The following FAM24B variants were observed in gnomAD, a reference collection of about 807,000 sequenced individuals.
FAM24B encodes the protein family with sequence similarity 24 member B.
FAM24B carries 3 observed loss-of-function variants against 2.3 expected under a neutral mutation model. The observed-to-expected ratio is 1.29, with a 90% CI of 0.59 to 3.32. The LOEUF (loss-of-function observed/expected upper bound fraction) is 3.32, where lower values mean the gene tolerates loss of function less well. Ranked by LOEUF, FAM24B falls within the 30% of genes most tolerant of loss-of-function variation. The pLI is 0.03. For missense variants in FAM24B, 98 were observed against 117.2 expected (o/e 0.84, Z 0.76); for synonymous variants, 36 against 46.3 (o/e 0.78, Z 0.90).
chr10:122,866,586 C>A (rs1033927050), intron 1 of FAM24B, among the ~76,000 whole-genome samples: 1 of 152,008 alleles, frequency 6.6e-6, no homozygotes, highest in African/African-American at 2.4e-5. Context: ...TTTGGTAATT[C>A]TTACAATATT....
chr10:122,850,291 C>T (rs1019484834), intron 3 of FAM24B, 133 bp downstream of exon 3: 2 of 715,706 alleles, frequency 2.8e-6, no homozygotes, highest in Admixed American at 4.3e-5. Context: ...TGACTTCACC[C>T]AGGGTATGGC....
intron 3 of FAM24B, 81 bp downstream of exon 3, chr10:122,850,343 G>T: frequency 8.8e-7 from 1 of 1,137,148 alleles, no homozygotes; most frequent in Non-Finnish European, 1.3e-6. Context: ...GGAAGCCCAG[G>T]TATCCCACTG....
intron 1 of FAM24B, among the ~76,000 whole-genome samples, chr10:122,869,269 C>A (rs1235941622): frequency 6.6e-6 from 1 of 152,176 alleles, no homozygotes; most frequent in Non-Finnish European, 1.5e-5. Context: ...TACAGGAGCA[C>A]CCAGATTCAT....
intron 1 of FAM24B, among the ~76,000 whole-genome samples, chr10:122,857,668 T>C (rs1463429814): frequency 6.6e-6 from 1 of 152,218 alleles, no homozygotes; most frequent in Non-Finnish European, 1.5e-5. Context: ...TCTGTTTCCT[T>C]GTATTTCTCT....
intron 1 of FAM24B, among the ~76,000 whole-genome samples, chr10:122,858,833 C>A (rs1847682506): frequency 6.6e-6 from 1 of 152,212 alleles, no homozygotes; most frequent in Admixed American, 6.5e-5. Context: ...ACAGAGGGAG[C>A]ATGCTAAGGC....
intron 1 of FAM24B, among the ~76,000 whole-genome samples, chr10:122,871,617 C>G (rs1054045683): frequency 6.6e-6 from 1 of 152,106 alleles, no homozygotes; most frequent in Non-Finnish European, 1.5e-5. Flanking sequence ...GAACAGAGCC[C>G]TCAGAAATAA....
At chr10:122,858,417 G>A (rs189983551) in intron 1 of FAM24B, among the ~76,000 whole-genome samples, 4 of 136,686 alleles carry the variant, frequency 2.9e-5, no homozygotes, top group Non-Finnish European at 4.7e-5. Flanking sequence ...GTGAGGGGAG[G>A]GGGGAGGGAT....
chr10:122,851,511 G>T (rs1473644770), intron 2 of FAM24B, among the ~76,000 whole-genome samples: 1 of 152,190 alleles, frequency 6.6e-6, no homozygotes, highest in East Asian at 1.9e-4. Context: ...CTCTTTCATG[G>T]AGTTCTGAAT....
intron 1 of FAM24B, among the ~76,000 whole-genome samples, chr10:122,866,803 A>C (rs1476223639): frequency 6.6e-6 from 1 of 152,124 alleles, no homozygotes; most frequent in Non-Finnish European, 1.5e-5. Flanking sequence ...CCTGAGACAC[A>C]AAAATATCGA....
chr10:122,849,202 T>C lies in FAM24B; in HGVS notation c.*45A>G. On this transcript the variant is annotated 3_prime_UTR_variant, in exon 4 of 4. Coordinates refer to ENST00000368898, the MANE Select transcript of FAM24B (RefSeq NM_152644.3). ...TGATTTGAATAACAAAACAATCTACTAAGAAGTATTGCTCATGAAGATTTT... is the reference window on the plus strand; with the variant it reads ...TGATTTGAATAACAAAACAATCTACCAAGAAGTATTGCTCATGAAGATTTT... The C allele has an allele frequency of 7.2e-7, 1 of 1,385,790 alleles. No individual in the cohort carries two copies. Among genetic ancestry groups the C allele is most frequent in the East Asian group, 2.4e-5 (1 of 41,202 alleles). The allele number at this position is 1,385,790 out of a possible 1,614,324, so 85.8% of individuals were successfully genotyped here.
Position 122,871,275 on chromosome 10 carries a change from T to G in FAM24B, c.-178+8210A>C, listed in dbSNP as rs375022073. Among the ~76,000 whole-genome samples, 46 of 151,798 alleles carry G rather than the reference T, an allele frequency of 3.0e-4. 2 individuals carry two copies. The East Asian group carries it at 3.5e-3, about 11-fold the overall frequency. ...AGGAGAACTACAAACCACTGCTCAA[T>G]GAAATAAAAGAGGATACAAACAAAT... On this transcript the variant is annotated intron_variant, in intron 1 of 3. Transcript: ENST00000368898.
chr10:122,865,004 T>G (rs1229947512), intron 1 of FAM24B, among the ~76,000 whole-genome samples: 1 of 152,232 alleles, frequency 6.6e-6, no homozygotes, highest in African/African-American at 2.4e-5. Context: ...TTGCCAATTA[T>G]GAATAAAGCC....
chr10:122,857,582 A>G (rs1419789083), intron 1 of FAM24B, among the ~76,000 whole-genome samples: 2 of 152,208 alleles, frequency 1.3e-5, no homozygotes, highest in Non-Finnish European at 2.9e-5. Context: ...CAAATTATCA[A>G]TACAACACTG....
chr10:122,869,375 C>T (rs1847854509), intron 1 of FAM24B, among the ~76,000 whole-genome samples: 1 of 152,106 alleles, frequency 6.6e-6, no homozygotes, highest in Non-Finnish European at 1.5e-5. Flanking sequence ...GGCAGATCAA[C>T]CAGACAGAAA....
intron 1 of FAM24B, among the ~76,000 whole-genome samples, chr10:122,871,344 G>A (rs1178547270): frequency 1.3e-5 from 2 of 152,162 alleles, no homozygotes; most frequent in African/African-American, 2.4e-5. Context: ...TCAATATTGT[G>A]CAAATGGCCA....
intron 2 of FAM24B, among the ~76,000 whole-genome samples, chr10:122,851,320 G>A (rs1279287601): frequency 6.6e-6 from 1 of 152,158 alleles, no homozygotes; most frequent in East Asian, 1.9e-4. Flanking sequence ...ATCTCATCAC[G>A]AATTTCTCAA....
chr10:122,851,424 G>A (rs981767697), intron 2 of FAM24B, among the ~76,000 whole-genome samples: 1 of 152,206 alleles, frequency 6.6e-6, no homozygotes, highest in Non-Finnish European at 1.5e-5. Flanking sequence ...TAGCAGAATG[G>A]ATATCCACAA....
chr10:122,875,306 C>T (rs1847959716), intron 1 of FAM24B, among the ~76,000 whole-genome samples: 1 of 152,170 alleles, frequency 6.6e-6, no homozygotes, highest in African/African-American at 2.4e-5. Flanking sequence ...TCTCTGCTTA[C>T]ATTACCCATT....
At chr10:122,849,791 A>G (rs1847497234) in intron 3 of FAM24B, among the ~76,000 whole-genome samples, 1 of 151,972 alleles carries the variant, frequency 6.6e-6, no homozygotes, top group African/African-American at 2.4e-5. Flanking sequence ...GAATGGGGAC[A>G]CAATTGCATC....
Sources: gnomAD v4.1 joint callset for allele counts (sites outside exome capture counted in the v4.1 genomes callset) on GRCh38, gnomAD v4.1.1 for gene constraint, MANE v1.5 for transcripts, NCBI Gene and HGNC (gene_info 2026-07-23, HGNC 2026-07-21) for gene names.